The following NUTM1 variants were observed in gnomAD, a reference collection of about 807,000 sequenced individuals.
NUTM1 encodes NUT midline carcinoma family member 1, also known as NUT family member 1.
Under a neutral mutation model 88.7 loss-of-function variants are expected in NUTM1, and 39 were observed. The ratio of observed to expected loss-of-function variants is 0.44; its 90% CI spans 0.34 to 0.57. The LOEUF is 0.57. Among genes scored for constraint, NUTM1 ranks in the 20% least tolerant of loss-of-function variants. The pLI, the probability that NUTM1 is intolerant of heterozygous loss-of-function variation, is 0.01. For synonymous variants in NUTM1, 494 were observed against 538.0 expected (o/e 0.92, Z 1.13); for missense variants, 1,350 against 1,414.5 (o/e 0.95, Z 0.73).
chr15:34,343,507 C>T lies in NUTM1; in HGVS notation c.-190C>T. 1 of 1,338,280 alleles carries T rather than the reference C, an allele frequency of 7.5e-7. No homozygotes were observed. The highest frequency in any genetic ancestry group is 1.0e-6 in the Non-Finnish European group (1 of 986,652). The allele number at this position is 1,338,280 out of a possible 1,614,324, so 82.9% of individuals were successfully genotyped here. ...TAGGGAAGAAAGAAGAGGTTTTCTT[C>T]CCTCCCCTCTTTTACATCCAGTTCC... On this transcript the variant is annotated 5_prime_UTR_variant, in exon 1 of 8. Coordinates refer to ENST00000537011, the MANE Select transcript of NUTM1 (RefSeq NM_001284292.2).
Position 34,353,800 on chromosome 15 carries a change from G to T in NUTM1, c.1003G>T (p.Gly335Cys). The change falls in exon 5 of 8, where the codon GGC (glycine) becomes TGC (cysteine). Residue 335 changes from glycine to cysteine, a missense_variant. Gly to Cys is a radical substitution (Grantham distance 159). Coordinates refer to ENST00000537011, the MANE Select transcript of NUTM1 (RefSeq NM_001284292.2). ...CACACAGCTGATGAATGGGTCTCAG[G>T]GCCTGTCTCCTGCAACCCCTTTGAA... ...QNTQLMNGSQ[G>C]LSPATPLKLD... 3.1e-6 allele frequency: 5 copies of T among 1,614,028 alleles called. No homozygotes were observed. The highest frequency in any genetic ancestry group is 4.2e-6 in the Non-Finnish European group (5 of 1,179,996).
chr15:34,349,137 A>G (rs1890662422), intron 3 of NUTM1, among the ~76,000 whole-genome samples: 1 of 152,122 alleles, frequency 6.6e-6, no homozygotes, highest in African/African-American at 2.4e-5. Flanking sequence ...GGCCAGGCAA[A>G]GGACTTTGTG....
Position 34,347,988 on chromosome 15 carries a change from G to A in NUTM1, c.120G>A (p.Pro40=), listed in dbSNP as rs778349338. 36 of 1,611,286 alleles carry A rather than the reference G, an allele frequency of 2.2e-5. No homozygotes were observed. The highest frequency in any genetic ancestry group is 1.2e-4 in the Admixed American group (7 of 59,884). The change falls in exon 3 of 8, where the codon CCG becomes CCA. Residue 40 remains proline, a synonymous_variant. Transcript: ENST00000537011. Reference sequence around the variant, plus strand: ...CAACAGCATCTGCATTGCCGGGACCGGATATGAGCATGAAACCTAGTGCCG... The same window carrying A: ...CAACAGCATCTGCATTGCCGGGACCAGATATGAGCATGAAACCTAGTGCCG... ...ASDGASALPG[P]DMSMKPSAAP... is the part of the protein sequence containing the mutation.
At position 34,356,187 on chromosome 15, in the gene NUTM1, CAG is replaced by C. The variant is rs1010625239; in HGVS notation, c.2182_2183del (p.Ser728LeufsTer2). 8.1e-6 allele frequency: 13 copies of C among 1,609,678 alleles called. No homozygotes were observed. Among genetic ancestry groups the C allele is most frequent in the Non-Finnish European group, 8.5e-6 (10 of 1,176,822 alleles). ...AGATGACAGAGGTACCCCCATGGCT[CAG>C]AGTTATGATCAGAATCCTTCCCCTA... ...WGDDRGTPMA[Q>X]SYDQNPSPRA... On this transcript the variant is annotated frameshift_variant, in exon 8 of 8. Coordinates refer to ENST00000537011, the MANE Select transcript of NUTM1 (RefSeq NM_001284292.2). LOFTEE classifies it high-confidence loss of function.
rs557446538 is a variant in NUTM1, at chr15:34,357,714, A to G, written c.*223A>G. The G allele has an allele frequency of 2.8e-4, 224 of 790,798 alleles. 2 individuals are homozygous for G. The South Asian group carries it at 2.8e-3, about 10-fold the overall frequency. 49.0% of individuals were successfully genotyped at this position (790,798 alleles called of 1,614,324 possible). A position where few individuals can be genotyped will look rare whatever the true frequency, so the allele number is the denominator to read the frequency against. On this transcript the variant is annotated 3_prime_UTR_variant, in exon 8 of 8. Transcript: ENST00000537011. ...GGAGCTATATAGAAAAAAAATGAAT[A>G]AAGTGTTTTGTTGGAAAATGCTCTC...
In NUTM1 at chr15:34,356,040, G is replaced by C; in HGVS notation, c.2032G>C (p.Gly678Arg). ...AGAGCTGGCTCCTCTGCAAGGACAA[G>C]GGTTAGAAAAGCAAGTCCTGGGATT... ...LAELAPLQGQ[G>R]LEKQVLGLQK... The change falls in exon 8 of 8, where the codon GGG becomes CGG. Residue 678 changes from glycine to arginine, a missense_variant. This residue lies in a region of NUTM1 where 730 missense variants were observed against 728.8 expected (regional missense o/e 1.00). Transcript: ENST00000537011. The C allele has an allele frequency of 6.2e-7, 1 of 1,614,144 alleles. No individual in the cohort carries two copies. The highest frequency in any genetic ancestry group is 1.3e-5 in the African/African-American group (1 of 75,046).
intron 4 of NUTM1, 107 bp downstream of exon 4, chr15:34,350,939 T>C: frequency 7.0e-7 from 1 of 1,434,108 alleles, no homozygotes; most frequent in Non-Finnish European, 9.7e-7. Flanking sequence ...CATGTTAGGA[T>C]GGGGCGCAGC....
At chr15:34,346,912 C>T (rs975140566) in intron 2 of NUTM1, among the ~76,000 whole-genome samples, 2 of 57,774 alleles carry the variant, frequency 3.5e-5, no homozygotes, top group African/African-American at 9.9e-5. Flanking sequence ...AAAAAAGCAG[C>T]ACTTAGAGGC....
At chr15:34,345,834 C>G in intron 1 of NUTM1, 108 bp from the exon 2 acceptor site, 25 of 1,413,750 alleles carry the variant, frequency 1.8e-5, no homozygotes, top group Non-Finnish European at 2.3e-5. Context: ...CCCCACTTTT[C>G]CCTCTCCCCT....
At position 34,355,944 on chromosome 15, in the gene NUTM1, G is replaced by C. The variant is rs771092934; in HGVS notation, c.1936G>C (p.Glu646Gln). 4.3e-6 allele frequency: 7 copies of C among 1,614,040 alleles called. No individual in the cohort carries two copies. Among genetic ancestry groups the C allele is most frequent in the Non-Finnish European group, 5.9e-6 (7 of 1,180,008 alleles). Residue 646 changes from glutamate (E) to glutamine (Q), a missense_variant, in exon 8 of 8, where the codon GAG becomes CAG. Glu to Gln is a conservative substitution (Grantham distance 29). Coordinates refer to ENST00000537011, the MANE Select transcript of NUTM1 (RefSeq NM_001284292.2). This position sits in a 1 kb window ranked among gnomAD's most constrained non-coding sequence, Gnocchi z 4.3. ...GHCLVADRTS[E>Q]ALPLCWQGGF... ...CTGCCTGGTGGCTGATAGGACTTCAGAGGCTCTGCCCCTTTGTTGGCAGGG... is the reference window on the plus strand; with the variant it reads ...CTGCCTGGTGGCTGATAGGACTTCACAGGCTCTGCCCCTTTGTTGGCAGGG...
intron 4 of NUTM1, among the ~76,000 whole-genome samples, chr15:34,352,390 G>A (rs896066864): frequency 3.3e-5 from 5 of 152,070 alleles, no homozygotes; most frequent in Admixed American, 3.3e-4. Flanking sequence ...ATGAGGTCTT[G>A]AGGAGGATCC....
intron 4 of NUTM1, among the ~76,000 whole-genome samples, chr15:34,353,221 A>G (rs189420): frequency 0.46 from 68,388 of 147,172 alleles, 16,466 homozygotes; most frequent in Middle Eastern, 0.56. Flanking sequence ...TTGAGGCAGG[A>G]TCTCACTCTG....
Position 34,356,720 on chromosome 15 carries a change from C to G in NUTM1, c.2712C>G (p.Ser904=). Residue 904 remains serine (S), a synonymous_variant, in exon 8 of 8, where the codon TCC becomes TCG. Coordinates refer to ENST00000537011, the MANE Select transcript of NUTM1 (RefSeq NM_001284292.2). ...TCATGGGGACTGAGGATGCCTCCTC[C>G]TTGCCTGAAGCCAGTCAAGAGGCAG... The part of the protein sequence containing the change: ...LLIMGTEDAS[S]LPEASQEAGS... 1 of 1,613,546 alleles carries G rather than the reference C, an allele frequency of 6.2e-7. No individual in the cohort carries two copies. Among genetic ancestry groups the G allele is most frequent in the Non-Finnish European group, 8.5e-7 (1 of 1,179,922 alleles).
At chr15:34,352,520 C>T (rs941925505) in intron 4 of NUTM1, among the ~76,000 whole-genome samples, 1 of 151,764 alleles carries the variant, frequency 6.6e-6, no homozygotes, top group African/African-American at 2.4e-5. Flanking sequence ...CAAGTGAGGC[C>T]GGGCACATTG....
Position 34,343,706 on chromosome 15 carries a change from A to G in NUTM1, c.6+4A>G. 1 of 1,533,916 alleles carries G rather than the reference A, an allele frequency of 6.5e-7. No individual in the cohort carries two copies. The highest frequency in any genetic ancestry group is 8.7e-7 in the Non-Finnish European group (1 of 1,145,326). On this transcript the variant is annotated splice_donor_region_variant and intron_variant, in intron 1 of 7. Transcript: ENST00000537011. ...TTCAGCGCTCTTTCTTATGGTGGTGAGTAGCTAATAATAACGTAATAAAGT... is the reference window on the plus strand; with the variant it reads ...TTCAGCGCTCTTTCTTATGGTGGTGGGTAGCTAATAATAACGTAATAAAGT...
chr15:34,350,705 C>G lies in NUTM1; in HGVS notation c.811C>G (p.Pro271Ala). ...TGACTGACTCAATGGGGGTTTTAGCCCAGTGCTTCGTTCCCTGGCCCGGCT... is the reference window on the plus strand; with the variant it reads ...TGACTGACTCAATGGGGGTTTTAGCGCAGTGCTTCGTTCCCTGGCCCGGCT... ...DTEALSCFLI[P>A]VLRSLARLKP... The change falls in exon 4 of 8, where the codon CCA becomes GCA. Residue 271 changes from proline to alanine, a missense_variant and splice_region_variant. Around this residue, in one of 5 missense-constraint regions of NUTM1, gnomAD observed 399 missense variants for 397.9 expected, o/e 1.00. Coordinates refer to ENST00000537011, the MANE Select transcript of NUTM1 (RefSeq NM_001284292.2). The G allele has an allele frequency of 6.2e-7, 1 of 1,611,488 alleles. No individual in the cohort carries two copies. Among genetic ancestry groups the G allele is most frequent in the Non-Finnish European group, 8.5e-7 (1 of 1,179,580 alleles).
rs1264273196 is a variant in NUTM1 at position 34,347,991 on chromosome 15, T to A, written c.123T>A (p.Asp41Glu). ...CAGCATCTGCATTGCCGGGACCGGA[T>A]ATGAGCATGAAACCTAGTGCCGCCC... ...SDGASALPGP[D>E]MSMKPSAAPS... The change falls in exon 3 of 8, where the codon GAT (aspartate) becomes GAA (glutamate). Residue 41 changes from aspartate to glutamate, a missense_variant. By Grantham distance (45) the Asp-to-Glu change is conservative. Coordinates refer to ENST00000537011, the MANE Select transcript of NUTM1 (RefSeq NM_001284292.2). 3 of 1,612,526 alleles carry A rather than the reference T, an allele frequency of 1.9e-6. No individual in the cohort carries two copies. The highest frequency in any genetic ancestry group is 2.5e-6 in the Non-Finnish European group (3 of 1,178,894).
In NUTM1 at chr15:34,353,180, T is replaced by C. The variant is rs1037595577; in HGVS notation, c.939-556T>C. Among the ~76,000 whole-genome samples the C allele has an allele frequency of 1.8e-4, 28 of 151,708 alleles. No homozygotes were observed. The Middle Eastern group carries it at 0.014, about 75-fold the overall frequency. ...GGTTACAGGCGTGAGCCACTGCGCC[T>C]GGCCTCATTCTTTACTTTTTAAAAA... On this transcript the variant is annotated intron_variant, in intron 4 of 7. Transcript: ENST00000537011.
chr15:34,346,145 TC>T, intron 2 of NUTM1, 110 bp downstream of exon 2: 2 of 1,115,908 alleles, frequency 1.8e-6, no homozygotes, highest in Non-Finnish European at 2.7e-6. Flanking sequence ...GTCAAAGGTA[TC>T]ACACTTGGGG....
Sources: allele counts gnomAD v4.1 joint callset (sites outside exome capture counted in the v4.1 genomes callset), GRCh38; gene constraint gnomAD v4.1.1; regional missense constraint gnomAD v4.1.1; non-coding constraint Gnocchi (gnomAD v3.1); transcripts MANE v1.5; gene names NCBI Gene and HGNC (gene_info 2026-07-23, HGNC 2026-07-21).